CDK8: variants seen among roughly 807,000 people sequenced by gnomAD.
CDK8 encodes cyclin dependent kinase 8.
In CDK8, 29 loss-of-function variants were observed where a neutral mutation model predicts 71.5. The observed-to-expected ratio is 0.41, with a 90% CI of 0.30 to 0.55. The LOEUF (loss-of-function observed/expected upper bound fraction) is 0.55, where lower values mean the gene tolerates loss of function less well. Ranked by LOEUF, CDK8 falls within the 20% of genes least tolerant of loss-of-function variation. The pLI is 0.37. For missense variants in CDK8, 288 were observed against 572.6 expected (o/e 0.50, Z 5.07); for synonymous variants, 161 against 192.1 (o/e 0.84, Z 1.34).
At chr13:26,362,222 AG>A (rs1874176752) in intron 4 of CDK8, among the ~76,000 whole-genome samples, 1 of 146,656 alleles carries the variant, frequency 6.8e-6, no homozygotes, top group Non-Finnish European at 1.5e-5. Flanking sequence ...GATAGATGAT[AG>A]ATGGATGGAT....
intron 1 of CDK8, among the ~76,000 whole-genome samples, chr13:26,293,338 C>T (rs893086747): frequency 1.3e-5 from 2 of 152,020 alleles, no homozygotes; most frequent in African/African-American, 4.8e-5. Context: ...CATGGTGGCT[C>T]ACGCCTGTAA....
At chr13:26,311,190 G>A (rs564110742) in intron 1 of CDK8, among the ~76,000 whole-genome samples, 1 of 151,952 alleles carries the variant, frequency 6.6e-6, no homozygotes, top group Non-Finnish European at 1.5e-5. Context: ...AAAAAATGGG[G>A]CCACCTAGCA....
At chr13:26,264,322 G>T (rs11619452) in intron 1 of CDK8, among the ~76,000 whole-genome samples, 1 of 151,670 alleles carries the variant, frequency 6.6e-6, no homozygotes, top group African/African-American at 2.4e-5. Flanking sequence ...GTCTCACTCT[G>T]TTCCCTGGGC....
intron 6 of CDK8, among the ~76,000 whole-genome samples, chr13:26,386,687 G>C (rs892252889): frequency 6.6e-6 from 1 of 152,176 alleles, no homozygotes; most frequent in African/African-American, 2.4e-5. Flanking sequence ...TCTGAAAAAT[G>C]CTGGTCGGTA....
At chr13:26,302,859 A>T (rs1398382347) in intron 1 of CDK8, among the ~76,000 whole-genome samples, 1 of 152,044 alleles carries the variant, frequency 6.6e-6, no homozygotes, top group Non-Finnish European at 1.5e-5. Context: ...CCAGAAGTTT[A>T]TCAGATTTAT....
intron 1 of CDK8, among the ~76,000 whole-genome samples, chr13:26,298,619 GA>G (rs1873674701): frequency 6.6e-6 from 1 of 152,076 alleles, no homozygotes; most frequent in African/African-American, 2.4e-5. Flanking sequence ...TCTAATGCAA[GA>G]ACAAGCAAAT....
chr13:26,349,205 A>G, intron 3 of CDK8, 23 bp downstream of exon 3: 12 of 1,254,242 alleles, frequency 9.6e-6, no homozygotes, highest in South Asian at 3.7e-5. Flanking sequence ...GCTGGCAGAC[A>G]TGAGCAAACA....
intron 7 of CDK8, among the ~76,000 whole-genome samples, chr13:26,395,419 G>A (rs1875940095): frequency 6.6e-6 from 1 of 151,288 alleles, no homozygotes; most frequent in African/African-American, 2.4e-5. Flanking sequence ...GGAGGCAGAG[G>A]TTGGGGTGAG....
intron 4 of CDK8, among the ~76,000 whole-genome samples, chr13:26,376,733 C>T (rs1874969778): frequency 6.6e-6 from 1 of 152,038 alleles, no homozygotes. Context: ...GCCTCAGTTG[C>T]CTAAAATAGG....
At chr13:26,360,799 A>C (rs958443544) in intron 4 of CDK8, among the ~76,000 whole-genome samples, 4 of 152,212 alleles carry the variant, frequency 2.6e-5, no homozygotes, top group Admixed American at 2.6e-4. Context: ...AGACACATGC[A>C]TATCCTTTTG....
At position 26,320,637 on chromosome 13, in the gene CDK8, G is replaced by A. The variant is rs539019342; in HGVS notation, c.129-16930G>A. On this transcript the variant is annotated intron_variant, in intron 1 of 12. Coordinates refer to ENST00000381527, the MANE Select transcript of CDK8 (RefSeq NM_001260.3). ...ATTTCCAAATTACATATCTGATAAGGGATTAATAACCAGAATAAATAGAGA... is the reference window on the plus strand; with the variant it reads ...ATTTCCAAATTACATATCTGATAAGAGATTAATAACCAGAATAAATAGAGA... Among the ~76,000 whole-genome samples the A allele has an allele frequency of 6.6e-5, 10 of 152,014 alleles. No homozygotes were observed. The South Asian group carries it at 1.9e-3, about 28-fold the overall frequency.
chr13:26,330,991 T>A (rs1390695766), intron 1 of CDK8, among the ~76,000 whole-genome samples: 2 of 152,170 alleles, frequency 1.3e-5, no homozygotes, highest in Admixed American at 1.3e-4. Flanking sequence ...GGTATTTCGA[T>A]TTTTAGCTTT....
At chr13:26,291,277 A>G (rs1873287265) in intron 1 of CDK8, among the ~76,000 whole-genome samples, 1 of 152,200 alleles carries the variant, frequency 6.6e-6, no homozygotes, top group South Asian at 2.1e-4. Flanking sequence ...AGATTTGTGT[A>G]AGTACACTCT....
chr13:26,274,698 T>C (rs1262264640), intron 1 of CDK8, among the ~76,000 whole-genome samples: 1 of 152,180 alleles, frequency 6.6e-6, no homozygotes, highest in African/African-American at 2.4e-5. Context: ...CCCAAAATGC[T>C]GGGATTACAA....
Position 26,254,878 on chromosome 13 carries a change from T to TCGACGCC in CDK8, c.128+110_128+116dup. 6.9e-7 allele frequency: 1 copy of TCGACGCC among 1,454,056 alleles called. No homozygotes were observed. The highest frequency in any genetic ancestry group is 1.3e-5 in the South Asian group (1 of 76,890). The allele number at this position is 1,454,056 out of a possible 1,614,324, so 90.1% of individuals were successfully genotyped here. ...GCCGGGGTGCCGGGCTCTGACTTCC[T>TCGACGCC]CGACGCCGGCCTCTGGCTCCGCCAG... is the stretch of plus-strand genomic sequence containing the variant. On this transcript the variant is annotated intron_variant, in intron 1 of 12. Transcript: ENST00000381527. The surrounding 1 kb of genome is among the most constrained non-coding windows in gnomAD (Gnocchi z 6.7).
chr13:26,354,614 T>C (rs1208877807), intron 4 of CDK8, among the ~76,000 whole-genome samples: 1 of 152,158 alleles, frequency 6.6e-6, no homozygotes, highest in African/African-American at 2.4e-5. Context: ...CATTAGATTC[T>C]CATAGGAGCC....
chr13:26,358,253 C>T (rs746853728), intron 4 of CDK8, among the ~76,000 whole-genome samples: 68 of 151,982 alleles, frequency 4.5e-4, no homozygotes, highest in East Asian at 4.5e-3. Context: ...GAGCTGGGAT[C>T]GCGCCACTGC....
chr13:26,268,677 G>A (rs2137866213), intron 1 of CDK8, among the ~76,000 whole-genome samples: 1 of 152,056 alleles, frequency 6.6e-6, no homozygotes, highest in East Asian at 1.9e-4. Context: ...AAACTCGAGA[G>A]CCATATAGGT....
At chr13:26,394,403 T>C (rs1446114870) in intron 7 of CDK8, among the ~76,000 whole-genome samples, 2 of 152,242 alleles carry the variant, frequency 1.3e-5, no homozygotes, top group African/African-American at 2.4e-5. Context: ...AGAAGACTTC[T>C]GTTGTGATGG....
Sources: allele counts gnomAD v4.1 joint callset (sites outside exome capture counted in the v4.1 genomes callset), GRCh38; gene constraint gnomAD v4.1.1; non-coding constraint Gnocchi (gnomAD v3.1); transcripts MANE v1.5; gene names NCBI Gene and HGNC (gene_info 2026-07-23, HGNC 2026-07-21).